RYR2: variants seen among roughly 807,000 people sequenced by gnomAD.
RYR2 encodes ryanodine receptor 2.
A neutral mutation model predicts 601.1 loss-of-function variants in RYR2; 227 were observed. The ratio of observed to expected loss-of-function variants is 0.38; its 90% CI spans 0.34 to 0.42. The LOEUF (loss-of-function observed/expected upper bound fraction) is 0.42, where lower values mean the gene tolerates loss of function less well. RYR2 is among the 10% of genes least tolerant of loss of function. The pLI is 1.00. For missense variants in RYR2, 4,646 were observed against 6,156.5 expected (o/e 0.75, Z 8.21); for synonymous variants, 2,223 against 2,175.1 (o/e 1.02, Z -0.61).
chr1:237,423,791 G>A (rs1470102069), intron 12 of RYR2, among the ~76,000 whole-genome samples: 2 of 152,196 alleles, frequency 1.3e-5, no homozygotes, highest in African/African-American at 4.8e-5. Context: ...TAACCCTATT[G>A]AATCATTTTT....
intron 71 of RYR2, among the ~76,000 whole-genome samples, chr1:237,712,264 C>T (rs1688905908): frequency 6.6e-6 from 1 of 152,054 alleles, no homozygotes; most frequent in Non-Finnish European, 1.5e-5. Flanking sequence ...TCAGGGGCTC[C>T]ACATCATAGG....
chr1:237,086,941 G>A (rs970310058), intron 1 of RYR2, among the ~76,000 whole-genome samples: 31 of 152,294 alleles, frequency 2.0e-4, no homozygotes, highest in African/African-American at 7.5e-4. Flanking sequence ...GCCTGTATTT[G>A]AGTATGTATA....
At chr1:237,643,481 G>A in intron 48 of RYR2, 34 bp downstream of exon 48, 3 of 1,613,050 alleles carry the variant, frequency 1.9e-6, no homozygotes, top group East Asian at 4.5e-5. Context: ...TAATTCAGTA[G>A]GATGTTGGAT....
intron 11 of RYR2, among the ~76,000 whole-genome samples, chr1:237,419,367 T>C (rs911600990): frequency 1.3e-5 from 2 of 152,186 alleles, no homozygotes; most frequent in African/African-American, 4.8e-5. Context: ...TCGATACTAT[T>C]GATGAGCTGT....
intron 1 of RYR2, among the ~76,000 whole-genome samples, chr1:237,102,028 G>A (rs1249781337): frequency 6.6e-6 from 1 of 152,240 alleles, no homozygotes; most frequent in Non-Finnish European, 1.5e-5. Flanking sequence ...AGAGGTCAAA[G>A]GAATTGCTGT....
chr1:237,345,303 G>C (rs1164097724), intron 3 of RYR2, among the ~76,000 whole-genome samples: 1 of 151,896 alleles, frequency 6.6e-6, no homozygotes, highest in Non-Finnish European at 1.5e-5. Context: ...GTATTCCTCT[G>C]TGTACCTGCC....
intron 10 of RYR2, among the ~76,000 whole-genome samples, chr1:237,394,811 C>G (rs1194557753): frequency 2.0e-5 from 3 of 152,144 alleles, no homozygotes; most frequent in East Asian, 1.9e-4. Context: ...AAAGAAATAC[C>G]TGAAACTGGG....
intron 2 of RYR2, among the ~76,000 whole-genome samples, chr1:237,284,082 G>C (rs1313522431): frequency 1.3e-5 from 2 of 152,128 alleles, no homozygotes; most frequent in Non-Finnish European, 2.9e-5. Flanking sequence ...ACTTCACTTA[G>C]AATAATAGTC....
At chr1:237,811,706 GA>G (rs1379050066) in intron 100 of RYR2, among the ~76,000 whole-genome samples, 1 of 152,148 alleles carries the variant, frequency 6.6e-6, no homozygotes, top group African/African-American at 2.4e-5. Flanking sequence ...AATGCAGGGG[GA>G]AAAAGCTTTC....
intron 98 of RYR2, among the ~76,000 whole-genome samples, chr1:237,803,343 A>G (rs7533051): frequency 0.44 from 66,304 of 150,664 alleles, 16,004 homozygotes; most frequent in African/African-American, 0.64. Context: ...TTGCACTGTC[A>G]CCCAGGCTGG....
At chr1:237,123,910 A>AC (rs1332432954) in intron 1 of RYR2, among the ~76,000 whole-genome samples, 1 of 151,450 alleles carries the variant, frequency 6.6e-6, no homozygotes, top group Non-Finnish European at 1.5e-5. Flanking sequence ...CTCATGATCC[A>AC]CCCGCCTCGG....
chr1:237,326,059 T>A (rs1187789425), intron 2 of RYR2, among the ~76,000 whole-genome samples: 1 of 152,180 alleles, frequency 6.6e-6, no homozygotes, highest in Non-Finnish European at 1.5e-5. Flanking sequence ...GGTAATGACA[T>A]GTTTCAGTAG....
chr1:237,459,695 T>A (rs559552450), intron 16 of RYR2, among the ~76,000 whole-genome samples: 1 of 152,270 alleles, frequency 6.6e-6, no homozygotes, highest in African/African-American at 2.4e-5. Flanking sequence ...CTCAAGCCAA[T>A]CCTCCCTTTA....
intron 1 of RYR2, among the ~76,000 whole-genome samples, chr1:237,177,108 C>T (rs150540798): frequency 6.6e-6 from 1 of 152,070 alleles, no homozygotes; most frequent in East Asian, 1.9e-4. Flanking sequence ...AGACATGGAG[C>T]CTGGCTATGG....
At chr1:237,552,858 T>C (rs1345470344) in intron 27 of RYR2, among the ~76,000 whole-genome samples, 1 of 151,978 alleles carries the variant, frequency 6.6e-6, no homozygotes, top group African/African-American at 2.4e-5. Flanking sequence ...TATACAAATC[T>C]TGGTATATAA....
chr1:237,304,667 T>G (rs1410990996), intron 2 of RYR2, among the ~76,000 whole-genome samples: 1 of 152,230 alleles, frequency 6.6e-6, no homozygotes, highest in Non-Finnish European at 1.5e-5. Context: ...TATTTATATA[T>G]GTATTAATCT....
At chr1:237,245,691 A>T (rs940428829) in intron 1 of RYR2, among the ~76,000 whole-genome samples, 1 of 152,234 alleles carries the variant, frequency 6.6e-6, no homozygotes, top group Non-Finnish European at 1.5e-5. Flanking sequence ...GAAATGTATT[A>T]TATCAACAAT....
chr1:237,800,512 T>TA (rs1323599572), intron 97 of RYR2, among the ~76,000 whole-genome samples: 1 of 152,200 alleles, frequency 6.6e-6, no homozygotes, highest in Non-Finnish European at 1.5e-5. Context: ...GATTTGCAAC[T>TA]ACTTAGCATT....
chr1:237,446,990 C>G (rs1657424334), intron 14 of RYR2, among the ~76,000 whole-genome samples: 1 of 152,066 alleles, frequency 6.6e-6, no homozygotes, highest in Non-Finnish European at 1.5e-5. Flanking sequence ...TTGTTCTTCC[C>G]ACTAGTTTTT....
Sources: allele counts gnomAD v4.1 joint callset (sites outside exome capture counted in the v4.1 genomes callset), GRCh38; gene constraint gnomAD v4.1.1; transcripts MANE v1.5; gene names NCBI Gene and HGNC (gene_info 2026-07-23, HGNC 2026-07-21).